Variants in PPP1R12B observed in about 807,000 individuals in gnomAD.
PPP1R12B encodes protein phosphatase 1 regulatory subunit 12B, also known as myosin phosphatase target subunit 2.
Under a neutral mutation model 126.1 loss-of-function variants are expected in PPP1R12B, and 76 were observed. That is an observed-to-expected ratio of 0.60 (90% CI 0.50 to 0.73). The LOEUF (loss-of-function observed/expected upper bound fraction) is 0.73. Ranked by LOEUF, PPP1R12B falls within the 30% of genes least tolerant of loss-of-function variation. PPP1R12B has a pLI of 0.00. For missense variants in PPP1R12B, 1,052 were observed against 1,205.1 expected (o/e 0.87, Z 1.88); for synonymous variants, 356 against 434.7 (o/e 0.82, Z 2.25).
At chr1:202,432,521 C>T (rs766235684) in intron 8 of PPP1R12B, among the ~76,000 whole-genome samples, 3 of 152,114 alleles carry the variant, frequency 2.0e-5, no homozygotes, top group Non-Finnish European at 2.9e-5. Flanking sequence ...CCTGCCTTGG[C>T]CTCCCTAAGT....
At chr1:202,352,803 G>A (rs1044482697) in intron 1 of PPP1R12B, among the ~76,000 whole-genome samples, 5 of 151,964 alleles carry the variant, frequency 3.3e-5, no homozygotes, top group African/African-American at 7.3e-5. Flanking sequence ...CAGGAGAATC[G>A]CTTGAACCCA....
At chr1:202,497,358 C>T (rs1037849343) in intron 18 of PPP1R12B, among the ~76,000 whole-genome samples, 20 of 152,182 alleles carry the variant, frequency 1.3e-4, no homozygotes, top group African/African-American at 4.3e-4. Flanking sequence ...TGAAGATACT[C>T]CAGGCTCCTG....
At chr1:202,414,214 AC>A (rs1047829299) in intron 1 of PPP1R12B, among the ~76,000 whole-genome samples, 1 of 152,212 alleles carries the variant, frequency 6.6e-6, no homozygotes, top group African/African-American at 2.4e-5. Context: ...GAGCCACCAT[AC>A]CCGACCTGAT....
At chr1:202,574,633 G>A (rs1688923113) in intron 23 of PPP1R12B, among the ~76,000 whole-genome samples, 1 of 152,156 alleles carries the variant, frequency 6.6e-6, no homozygotes, top group African/African-American at 2.4e-5. Flanking sequence ...CATGATGAAG[G>A]GTCCCTGAAG....
chr1:202,351,733 T>G (rs1351043461), intron 1 of PPP1R12B, among the ~76,000 whole-genome samples: 1 of 152,220 alleles, frequency 6.6e-6, no homozygotes, highest in Non-Finnish European at 1.5e-5. Context: ...GATAATTGCT[T>G]CTTTTCTCTC....
intron 14 of PPP1R12B, among the ~76,000 whole-genome samples, chr1:202,491,426 G>A (rs1273645215): frequency 1.3e-5 from 2 of 152,194 alleles, no homozygotes; most frequent in African/African-American, 4.8e-5. Context: ...TGAGATTACA[G>A]GTGTGAGCCA....
intron 23 of PPP1R12B, chr1:202,577,206 A>G (rs1165867357): frequency 1.3e-5 from 2 of 152,220 alleles, no homozygotes; most frequent in Non-Finnish European, 2.9e-5. Context: ...GGGTTAGCAA[A>G]CTGTGACCCA....
chr1:202,564,314 A>G (rs1344570324), intron 20 of PPP1R12B, 129 bp from the exon 21 acceptor site: 13 of 588,900 alleles, frequency 2.2e-5, no homozygotes, highest in Middle Eastern at 4.3e-4. Context: ...TCTGCTCCCT[A>G]CCCTTCCTTC....
At chr1:202,532,792 G>T (rs1684098831) in intron 18 of PPP1R12B, among the ~76,000 whole-genome samples, 1 of 138,548 alleles carries the variant, frequency 7.2e-6, no homozygotes, top group South Asian at 2.3e-4. Flanking sequence ...TTTAAACACT[G>T]TTAAACTTAC....
At chr1:202,449,688 A>AT (rs916105726) in intron 13 of PPP1R12B, among the ~76,000 whole-genome samples, 11 of 149,936 alleles carry the variant, frequency 7.3e-5, no homozygotes, top group African/African-American at 2.2e-4. Context: ...TTATGGATTT[A>AT]TTTTTTTTAT....
chr1:202,564,433 T>C lies in PPP1R12B; in HGVS notation c.2653-10T>C, dbSNP rs184511395. 3.2e-4 allele frequency: 508 copies of C among 1,595,130 alleles called. 1 individual carries two copies. In the African/African-American group the frequency reaches 5.5e-3, roughly 17 times the overall value. ...GCGAACGCTGATCCTCTTTTTTCCCTCTCCTCTAGCTCTATGAGAGTGCTC... is the reference window on the plus strand; with the variant it reads ...GCGAACGCTGATCCTCTTTTTTCCCCCTCCTCTAGCTCTATGAGAGTGCTC... On this transcript the variant is annotated splice_polypyrimidine_tract_variant and intron_variant, in intron 20 of 23. Transcript: ENST00000608999.
chr1:202,530,743 A>G (rs991973208), intron 18 of PPP1R12B, among the ~76,000 whole-genome samples: 3 of 152,290 alleles, frequency 2.0e-5, no homozygotes, highest in South Asian at 2.1e-4. Flanking sequence ...GTACTCCAAA[A>G]TAGCACCATC....
chr1:202,563,377 A>G (rs1334805174), intron 20 of PPP1R12B, among the ~76,000 whole-genome samples: 1 of 152,144 alleles, frequency 6.6e-6, no homozygotes, highest in Admixed American at 6.5e-5. Context: ...TCAGCCTCCC[A>G]AAGTGCTGGG....
At chr1:202,469,195 C>T (rs1675494838) in intron 13 of PPP1R12B, among the ~76,000 whole-genome samples, 1 of 152,050 alleles carries the variant, frequency 6.6e-6, no homozygotes, top group Admixed American at 6.5e-5. Flanking sequence ...AAGTGTAGTC[C>T]CTACCTTCCT....
rs1386323597 is a variant in PPP1R12B, at chr1:202,495,638, A to C, written c.2404A>C (p.Lys802Gln). Reference protein sequence around the residue: ...RLSIRERRRPKERRRGTGINF... With the variant: ...RLSIRERRRPQERRRGTGINF... ...GTCCATCCGAGAGAGGAGGCGGCCC[A>C]AGGAACGACGAAGAGGCACAGGCAT... The change falls in exon 17 of 24, where the codon AAG (lysine) becomes CAG (glutamine). Residue 802 changes from lysine (K) to glutamine (Q), a missense_variant. Transcript: ENST00000608999. The C allele has an allele frequency of 3.7e-6, 6 of 1,614,148 alleles. No homozygotes were observed. The highest frequency in any genetic ancestry group is 5.1e-6 in the Non-Finnish European group (6 of 1,180,012).
chr1:202,491,471 C>T (rs1012775122), intron 14 of PPP1R12B, among the ~76,000 whole-genome samples: 1 of 151,996 alleles, frequency 6.6e-6, no homozygotes, highest in African/African-American at 2.4e-5. Context: ...TAATAGCCAC[C>T]CTAATGGGTG....
At chr1:202,464,825 G>A (rs1254368869) in intron 13 of PPP1R12B, among the ~76,000 whole-genome samples, 1 of 152,144 alleles carries the variant, frequency 6.6e-6, no homozygotes, top group Non-Finnish European at 1.5e-5. Context: ...ATGCCCAAGT[G>A]CTCTCATGAT....
intron 9 of PPP1R12B, among the ~76,000 whole-genome samples, chr1:202,437,217 A>G (rs1000844776): frequency 6.6e-6 from 1 of 152,040 alleles, no homozygotes; most frequent in Non-Finnish European, 1.5e-5. Context: ...TGATAGTCCC[A>G]GCTACTCGGT....
chr1:202,447,556 A>G (rs1672438641), intron 12 of PPP1R12B, among the ~76,000 whole-genome samples: 1 of 152,194 alleles, frequency 6.6e-6, no homozygotes, highest in Non-Finnish European at 1.5e-5. Flanking sequence ...CAAAGCCCAT[A>G]TTTATCCTAC....
Sources: allele counts gnomAD v4.1 joint callset (sites outside exome capture counted in the v4.1 genomes callset), GRCh38; gene constraint gnomAD v4.1.1; transcripts MANE v1.5; gene names NCBI Gene and HGNC (gene_info 2026-07-23, HGNC 2026-07-21).